The following SCGB1D1 variants were observed in gnomAD, a reference collection of about 807,000 sequenced individuals.
SCGB1D1 encodes secretoglobin family 1D member 1.
SCGB1D1 carries 10 observed loss-of-function variants against 8.3 expected under a neutral mutation model. That is an observed-to-expected ratio of 1.21 (90% CI 0.74 to 2.05). SCGB1D1 has a LOEUF of 2.05. Ranked by LOEUF, SCGB1D1 falls within the 30% of genes most tolerant of loss-of-function variation. The pLI, the probability that SCGB1D1 is intolerant of heterozygous loss-of-function variation, is 0.00. For synonymous variants in SCGB1D1, 46 were observed against 41.7 expected, an observed-to-expected ratio of 1.10 and a Z score of -0.39; for missense variants, 94 against 105.1, an observed-to-expected ratio of 0.89 and a Z score of 0.46.
Position 62,192,107 on chromosome 11 carries a change from T to C in SCGB1D1, c.107T>C (p.Leu36Ser), listed in dbSNP as rs771125597. ...GGTTCTGAAATCACAGGCTTCTTATTAGCTGGAAAACCTGTGTTCAAGTTC... is the reference window on the plus strand; with the variant it reads ...GGTTCTGAAATCACAGGCTTCTTATCAGCTGGAAAACCTGTGTTCAAGTTC... The part of the protein sequence containing the change: ...ALGSEITGFL[L>S]AGKPVFKFQL... Residue 36 changes from leucine (L) to serine (S), a missense_variant, in exon 2 of 3, where the codon TTA (leucine) becomes TCA (serine). Leu to Ser is a moderately radical substitution (Grantham distance 145). Coordinates refer to ENST00000306238, the MANE Select transcript of SCGB1D1 (RefSeq NM_006552.2). 6 of 1,613,106 alleles carry C rather than the reference T, an allele frequency of 3.7e-6. No homozygotes were observed. The African/African-American group carries it at 8.0e-5, about 22-fold the overall frequency.
intron 1 of SCGB1D1, 92 bp downstream of exon 1, chr11:62,190,431 G>C: frequency 6.6e-7 from 1 of 1,513,416 alleles, no homozygotes; most frequent in Non-Finnish European, 9.1e-7. Flanking sequence ...GTTGGGGTCT[G>C]GAACAAACCA....
intron 2 of SCGB1D1, among the ~76,000 whole-genome samples, chr11:62,192,866 CA>C (rs967219039): frequency 3.9e-5 from 6 of 152,240 alleles, no homozygotes; most frequent in Admixed American, 2.0e-4. Flanking sequence ...GGGATGTTCT[CA>C]CTCTGTCTTT....
intron 2 of SCGB1D1, 125 bp from the exon 3 acceptor site, chr11:62,193,274 G>A (rs1021785737): frequency 1.1e-5 from 9 of 792,892 alleles, no homozygotes; most frequent in East Asian, 2.7e-5. Context: ...CACACACTGG[G>A]TTCCTGCCTC....
chr11:62,192,906 CT>C (rs1944690153), intron 2 of SCGB1D1, among the ~76,000 whole-genome samples: 1 of 152,236 alleles, frequency 6.6e-6, no homozygotes, highest in African/African-American at 2.4e-5. Flanking sequence ...TTCCAGGGGC[CT>C]CTCAGCCTGG....
rs1944681855 is a variant in SCGB1D1, at chr11:62,192,063, AGTG to A, written c.66_68del (p.Val23del). On this transcript the variant is annotated inframe_deletion, in exon 2 of 3. Coordinates refer to ENST00000306238, the MANE Select transcript of SCGB1D1 (RefSeq NM_006552.2). ...TTTATTCTTTTGCTCCAGCAAATGC[AGTG>A]GTCTGCCAAGCTCTTGGTTCTGAAA... 1 of 1,596,800 alleles carries A rather than the reference AGTG, an allele frequency of 6.3e-7. No homozygotes were observed.
chr11:62,193,068 C>T (rs1944691532), intron 2 of SCGB1D1, among the ~76,000 whole-genome samples: 1 of 152,232 alleles, frequency 6.6e-6, no homozygotes, highest in East Asian at 1.9e-4. Flanking sequence ...CCTCCCAGCC[C>T]TGACCAACCT....
chr11:62,190,295 C>T lies in SCGB1D1; in HGVS notation c.11C>T (p.Ser4Leu). The T allele has an allele frequency of 3.1e-6, 5 of 1,614,200 alleles. No individual in the cohort carries two copies. Among genetic ancestry groups the T allele is most frequent in the East Asian group, 2.2e-5 (1 of 44,888 alleles). The change falls in exon 1 of 3, where the codon TCG becomes TTG. Residue 4 changes from serine to leucine, a missense_variant. By Grantham distance (145) the Ser-to-Leu change is moderately radical. Coordinates refer to ENST00000306238, the MANE Select transcript of SCGB1D1 (RefSeq NM_006552.2). MRL[S>L]VCLLLLTLAL... is the part of the protein sequence containing the mutation. ...GCAGAATAAGCCACCATGAGGCTGT[C>T]GGTGTGTCTCCTGCTGCTCACGCTG...
In SCGB1D1 at chr11:62,190,262, A is replaced by C. The variant is rs369215221; in HGVS notation, c.-23A>C. On this transcript the variant is annotated 5_prime_UTR_variant, in exon 1 of 3. Coordinates refer to ENST00000306238, the MANE Select transcript of SCGB1D1 (RefSeq NM_006552.2). ...AATCACTCATCATTGGTTAAAGCCG[A>C]GCTCACAGCAGAATAAGCCACCATG... is the stretch of plus-strand genomic sequence containing the variant. 17 of 1,614,010 alleles carry C rather than the reference A, an allele frequency of 1.1e-5. No homozygotes were observed. In the African/African-American group the frequency reaches 2.1e-4, roughly 20 times the overall value.
Position 62,192,065 on chromosome 11 carries a change from T to C in SCGB1D1, c.65T>C (p.Val22Ala). 1.3e-6 allele frequency: 2 copies of C among 1,597,028 alleles called. No individual in the cohort carries two copies. Among genetic ancestry groups the C allele is most frequent in the Non-Finnish European group, 1.7e-6 (2 of 1,169,426 alleles). ...LALCCYRANA[V>A]VCQALGSEIT... ...TATTCTTTTGCTCCAGCAAATGCAGTGGTCTGCCAAGCTCTTGGTTCTGAA... is the reference window on the plus strand; with the variant it reads ...TATTCTTTTGCTCCAGCAAATGCAGCGGTCTGCCAAGCTCTTGGTTCTGAA... Residue 22 changes from valine (V) to alanine (A), a missense_variant, in exon 2 of 3, where the codon GTG becomes GCG. Val to Ala is a moderately conservative substitution (Grantham distance 64). Coordinates refer to ENST00000306238, the MANE Select transcript of SCGB1D1 (RefSeq NM_006552.2).
chr11:62,193,108 C>T (rs548384231), intron 2 of SCGB1D1, among the ~76,000 whole-genome samples: 1 of 152,310 alleles, frequency 6.6e-6, no homozygotes, highest in South Asian at 2.1e-4. Flanking sequence ...TTGCGGGGAA[C>T]AGGAGACTCC....
In SCGB1D1 at chr11:62,192,053, C is replaced by T. The variant is rs1944681681; in HGVS notation, c.56-3C>T. On this transcript the variant is annotated splice_region_variant and splice_polypyrimidine_tract_variant and intron_variant, in intron 1 of 2. Transcript: ENST00000306238. ...AAATTATATTTTTATTCTTTTGCTC[C>T]AGCAAATGCAGTGGTCTGCCAAGCT... 6 of 1,582,902 alleles carry T rather than the reference C, an allele frequency of 3.8e-6. No individual in the cohort carries two copies. The African/African-American group carries it at 8.2e-5, about 22-fold the overall frequency.
At position 62,193,435 on chromosome 11, in the gene SCGB1D1, A is replaced by G; in HGVS notation, c.*7A>G. On this transcript the variant is annotated 3_prime_UTR_variant, in exon 3 of 3. Transcript: ENST00000306238. ...AGAGAAATGTGATCGCTGAGATGTAAAAAGTTTTTAATGCTAGTTTCCACC... is the reference window on the plus strand; with the variant it reads ...AGAGAAATGTGATCGCTGAGATGTAGAAAGTTTTTAATGCTAGTTTCCACC... The G allele has an allele frequency of 3.7e-6, 6 of 1,610,920 alleles. No individual in the cohort carries two copies. The highest frequency in any genetic ancestry group is 4.2e-6 in the Non-Finnish European group (5 of 1,177,754).
chr11:62,191,000 G>A (rs1442005191), intron 1 of SCGB1D1, among the ~76,000 whole-genome samples: 1 of 152,104 alleles, frequency 6.6e-6, no homozygotes, highest in Non-Finnish European at 1.5e-5. Flanking sequence ...ATCTTCTAGG[G>A]GTCCTACCGT....
intron 2 of SCGB1D1, among the ~76,000 whole-genome samples, chr11:62,192,803 C>A (rs955632311): frequency 1.3e-5 from 2 of 152,234 alleles, no homozygotes; most frequent in Admixed American, 1.3e-4. Flanking sequence ...CTCCTGACCA[C>A]GGCCAGTGGG....
chr11:62,190,671 T>A (rs901927151), intron 1 of SCGB1D1, among the ~76,000 whole-genome samples: 1 of 152,148 alleles, frequency 6.6e-6, no homozygotes, highest in Admixed American at 6.5e-5. Flanking sequence ...GTGGGCAAGA[T>A]GCTCACCCTC....
At chr11:62,191,009 G>A (rs1034521962) in intron 1 of SCGB1D1, among the ~76,000 whole-genome samples, 4 of 152,174 alleles carry the variant, frequency 2.6e-5, no homozygotes, top group African/African-American at 4.8e-5. Context: ...GGGTCCTACC[G>A]TAATGGTGGT....
rs758145451 is a variant in SCGB1D1 at position 62,192,102 on chromosome 11, C to T, written c.102C>T (p.Phe34=). The change falls in exon 2 of 3, where the codon TTC becomes TTT. Residue 34 remains phenylalanine, a synonymous_variant. Coordinates refer to ENST00000306238, the MANE Select transcript of SCGB1D1 (RefSeq NM_006552.2). ...CQALGSEITG[F]LLAGKPVFKF... is the part of the protein sequence containing the mutation. ...CTCTTGGTTCTGAAATCACAGGCTT[C>T]TTATTAGCTGGAAAACCTGTGTTCA... 6.2e-7 allele frequency: 1 copy of T among 1,612,952 alleles called. No homozygotes were observed. The highest frequency in any genetic ancestry group is 1.3e-5 in the African/African-American group (1 of 74,910).
At chr11:62,192,794 T>C (rs1944689067) in intron 2 of SCGB1D1, among the ~76,000 whole-genome samples, 1 of 152,122 alleles carries the variant, frequency 6.6e-6, no homozygotes, top group South Asian at 2.1e-4. Context: ...CACGATGCTC[T>C]CCTGACCACG....
At chr11:62,192,749 C>G (rs576385693) in intron 2 of SCGB1D1, among the ~76,000 whole-genome samples, 1 of 152,224 alleles carries the variant, frequency 6.6e-6, no homozygotes, top group Non-Finnish European at 1.5e-5. Flanking sequence ...AGGAGCCCCT[C>G]CCAGCTCCTC....
Sources: allele counts gnomAD v4.1 joint callset (sites outside exome capture counted in the v4.1 genomes callset), GRCh38; gene constraint gnomAD v4.1.1; transcripts MANE v1.5; gene names NCBI Gene and HGNC (gene_info 2026-07-23, HGNC 2026-07-21).